Variants in HCN1 observed in about 807,000 individuals in gnomAD.
HCN1 encodes the protein hyperpolarization activated cyclic nucleotide gated potassium channel 1.
Under a neutral mutation model 78.9 loss-of-function variants are expected in HCN1, and 13 were observed. The ratio of observed to expected loss-of-function variants is 0.16; its 90% CI spans 0.11 to 0.26. HCN1 has a LOEUF of 0.26. HCN1 is among the 10% of genes least tolerant of loss of function. The pLI, the probability that HCN1 is intolerant of heterozygous loss-of-function variation, is 1.00. For synonymous variants in HCN1, 552 were observed against 455.5 expected, an observed-to-expected ratio of 1.21 and a Z score of -2.70; for missense variants, 810 against 1,154.3, an observed-to-expected ratio of 0.70 and a Z score of 4.32.
chr5:45,550,545 A>G (rs1743345272), intron 2 of HCN1, among the ~76,000 whole-genome samples: 1 of 152,146 alleles, frequency 6.6e-6, no homozygotes, highest in African/African-American at 2.4e-5. Flanking sequence ...TACCTAATGT[A>G]AATGACGAGT....
chr5:45,313,803 G>C (rs55706118), intron 5 of HCN1, among the ~76,000 whole-genome samples: 49,275 of 151,972 alleles, frequency 0.32, 10,458 homozygotes, highest in Non-Finnish European at 0.45. Flanking sequence ...GAAGTGAGAA[G>C]AGAAGTTTAG....
chr5:45,404,275 T>A (rs1739878099), intron 3 of HCN1, among the ~76,000 whole-genome samples: 1 of 152,168 alleles, frequency 6.6e-6, no homozygotes, highest in Admixed American at 6.6e-5. Context: ...GGAGACTGTA[T>A]ACTCAAAGTG....
At chr5:45,557,333 C>T (rs1373620062) in intron 2 of HCN1, among the ~76,000 whole-genome samples, 1 of 152,110 alleles carries the variant, frequency 6.6e-6, no homozygotes, top group African/African-American at 2.4e-5. Context: ...TGGGAAACAA[C>T]TGCAGCTTTT....
At chr5:45,587,605 G>C (rs1005501617) in intron 2 of HCN1, among the ~76,000 whole-genome samples, 2 of 151,760 alleles carry the variant, frequency 1.3e-5, no homozygotes, top group Non-Finnish European at 2.9e-5. Context: ...TGTAAATGAC[G>C]AGTGAATGGG....
chr5:45,448,129 A>T (rs1740837641), intron 3 of HCN1, among the ~76,000 whole-genome samples: 1 of 152,108 alleles, frequency 6.6e-6, no homozygotes, highest in Non-Finnish European at 1.5e-5. Context: ...ACAGAATCTC[A>T]CTTTGTAAAT....
At chr5:45,527,600 CTCT>C (rs941649910) in intron 2 of HCN1, among the ~76,000 whole-genome samples, 66 of 151,296 alleles carry the variant, frequency 4.4e-4, no homozygotes, top group African/African-American at 1.6e-3. Flanking sequence ...CATTCTCTCT[CTCT>C]TTTCTCTCTC....
chr5:45,372,393 A>C (rs1261886543), intron 4 of HCN1, among the ~76,000 whole-genome samples: 4 of 117,076 alleles, frequency 3.4e-5, no homozygotes, highest in Non-Finnish European at 6.4e-5. Context: ...AAATATGTAA[A>C]TTATATAAAA....
At chr5:45,303,951 T>C in intron 5 of HCN1, 112 bp from the exon 6 acceptor site, 1 of 991,776 alleles carries the variant, frequency 1.0e-6, no homozygotes, top group South Asian at 1.4e-5. Flanking sequence ...TAAATTTAGA[T>C]ACAAAAATTC....
At chr5:45,310,646 C>G (rs1346433961) in intron 5 of HCN1, among the ~76,000 whole-genome samples, 2 of 152,096 alleles carry the variant, frequency 1.3e-5, no homozygotes, top group Non-Finnish European at 2.9e-5. Flanking sequence ...ACCATTCAAC[C>G]CAGCAATCCC....
intron 2 of HCN1, among the ~76,000 whole-genome samples, chr5:45,528,123 T>G (rs1011820773): frequency 6.6e-6 from 1 of 152,010 alleles, no homozygotes; most frequent in Non-Finnish European, 1.5e-5. Flanking sequence ...CTCAGAGTAT[T>G]CTCAAACTTA....
intron 1 of HCN1, among the ~76,000 whole-genome samples, chr5:45,667,201 A>C (rs1053229817): frequency 6.6e-6 from 1 of 151,916 alleles, no homozygotes; most frequent in African/African-American, 2.4e-5. Flanking sequence ...ACTTTCAACT[A>C]TCAGGAGCCC....
intron 2 of HCN1, among the ~76,000 whole-genome samples, chr5:45,536,042 ATAT>A (rs533425897): frequency 3.3e-4 from 50 of 152,174 alleles, no homozygotes; most frequent in Admixed American, 1.1e-3. Context: ...AACTTTAAAG[ATAT>A]TATTATATTG....
In HCN1 at chr5:45,613,250, C is replaced by T. The variant is rs996055829; in HGVS notation, c.849+31935G>A. On this transcript the variant is annotated intron_variant, in intron 2 of 7. Transcript: ENST00000303230. ...ATTCCCACCTATGAGTGAGAATATG[C>T]GGTGTTTGGTATTTTGTTCTTGTGA... 4.0e-5 allele frequency among the ~76,000 whole-genome samples: 6 copies of T among 148,336 alleles called. No homozygotes were observed. The East Asian group carries it at 6.1e-4, about 15-fold the overall frequency.
chr5:45,345,380 C>T (rs958405457), intron 5 of HCN1, among the ~76,000 whole-genome samples: 2 of 152,174 alleles, frequency 1.3e-5, no homozygotes, highest in Admixed American at 1.3e-4. Context: ...AACGCCTTGT[C>T]ACTGATGTAA....
At chr5:45,286,832 C>T (rs1561089183) in intron 6 of HCN1, among the ~76,000 whole-genome samples, 1 of 151,748 alleles carries the variant, frequency 6.6e-6, no homozygotes, top group Admixed American at 6.6e-5. Context: ...AAGGACATCC[C>T]AATAATGTAA....
At chr5:45,355,547 G>C (rs1746991238) in intron 4 of HCN1, among the ~76,000 whole-genome samples, 1 of 151,924 alleles carries the variant, frequency 6.6e-6, no homozygotes, top group Non-Finnish European at 1.5e-5. Context: ...GAGCGTGGGG[G>C]AAACAAAGTA....
At chr5:45,535,673 C>T (rs866493710) in intron 2 of HCN1, among the ~76,000 whole-genome samples, 1 of 151,940 alleles carries the variant, frequency 6.6e-6, no homozygotes, top group African/African-American at 2.4e-5. Context: ...AAATATAACT[C>T]AATAAGTCTC....
rs756368358 is a variant in HCN1, at chr5:45,257,568, C to T, written c.*4353G>A. ...TTCTCTCATTAAAAAACCTTAAAATCTCCATTTGTCCCTGTCAAAGCCTGA... is the reference window on the plus strand; with the variant it reads ...TTCTCTCATTAAAAAACCTTAAAATTTCCATTTGTCCCTGTCAAAGCCTGA... On this transcript the variant is annotated 3_prime_UTR_variant, in exon 8 of 8. Transcript: ENST00000303230. The T allele has an allele frequency of 6.6e-6, 1 of 152,108 alleles. No individual in the cohort carries two copies. The highest frequency in any genetic ancestry group is 1.5e-5 in the Non-Finnish European group (1 of 68,014). 9.4% of individuals were successfully genotyped at this position (152,108 alleles called of 1,614,324 possible). A position where few individuals can be genotyped will look rare whatever the true frequency, so the allele number is the denominator to read the frequency against.
At chr5:45,353,284 G>C (rs752854437) in intron 4 of HCN1, 38 bp from the exon 5 acceptor site, 15 of 1,409,750 alleles carry the variant, frequency 1.1e-5, no homozygotes, top group Non-Finnish European at 1.5e-5. Context: ...AAAAAACATT[G>C]TTAGGGTGTA....
Sources: gnomAD v4.1 joint callset for allele counts (sites outside exome capture counted in the v4.1 genomes callset) on GRCh38, gnomAD v4.1.1 for gene constraint, MANE v1.5 for transcripts, NCBI Gene and HGNC (gene_info 2026-07-23, HGNC 2026-07-21) for gene names.